The following HIRIP3 variants were observed in gnomAD, a reference collection of about 807,000 sequenced individuals.
HIRIP3 encodes the protein HIRA interacting protein 3.
Under a neutral mutation model 50.3 loss-of-function variants are expected in HIRIP3, and 40 were observed. That is an observed-to-expected ratio of 0.79 (90% CI 0.62 to 1.03). HIRIP3 has a LOEUF of 1.03. Ranked by LOEUF, HIRIP3 falls within the 50% of genes least tolerant of loss-of-function variation. The probability of loss-of-function intolerance (pLI) is 0.00; values close to 1 mark genes in which losing one functional copy is unlikely to be tolerated. For missense variants in HIRIP3, 765 were observed against 705.4 expected (o/e 1.08, Z -0.96); for synonymous variants, 318 against 261.6 (o/e 1.22, Z -2.08).
upstream of HIRIP3, chr16:29,995,789 G>A (rs1041026524): frequency 8.7e-6 from 6 of 686,466 alleles, no homozygotes; most frequent in Admixed American, 1.7e-4. Flanking sequence ...CTGGGCAGTT[G>A]GAGGGTCTCG....
In HIRIP3 at chr16:29,994,618, A is replaced by C. The variant is rs139453333; in HGVS notation, c.527T>G (p.Val176Gly). ...CTTGCCTGGTGCCTGCTTCTTTACC[A>C]CAGGTTTCTTCCTAGTCTTCCCCTT... Reference protein sequence around the residue: ...GYKGKTRKKPVVKKQAPGKAS... With the variant: ...GYKGKTRKKPGVKKQAPGKAS... Residue 176 changes from valine (V) to glycine (G), a missense_variant, in exon 4 of 7, where the codon GTG becomes GGG. Physicochemically the swap from Val to Gly is moderately radical, Grantham distance 109. Coordinates refer to ENST00000279392, the MANE Select transcript of HIRIP3 (RefSeq NM_003609.5). 6.2e-7 allele frequency: 1 copy of C among 1,613,532 alleles called. No individual in the cohort carries two copies. The highest frequency in any genetic ancestry group is 8.5e-7 in the Non-Finnish European group (1 of 1,179,894).
rs146230037 is a variant in HIRIP3, at chr16:29,994,300, G to C, written c.845C>G (p.Ala282Gly). Residue 282 changes from alanine (A) to glycine (G), a missense_variant, in exon 4 of 7, where the codon GCA becomes GGA. Physicochemically the swap from Ala to Gly is moderately conservative, Grantham distance 60. Transcript: ENST00000279392. Reference sequence around the variant, plus strand: ...GTCTGAGTCTCCCAAGAGCCTCTTTGCCTGGCTTTTCTGCTTACAGCTCCT... The same window carrying C: ...GTCTGAGTCTCCCAAGAGCCTCTTTCCCTGGCTTTTCTGCTTACAGCTCCT... Reference protein sequence around the residue: ...EERSCKQKSQAKRLLGDSDSE... With the variant: ...EERSCKQKSQGKRLLGDSDSE... 3 of 1,613,938 alleles carry C rather than the reference G, an allele frequency of 1.9e-6. No homozygotes were observed. Among genetic ancestry groups the C allele is most frequent in the African/African-American group, 2.7e-5 (2 of 74,866 alleles).
At chr16:29,995,671 C>A, upstream of HIRIP3, 2 of 1,579,120 alleles carry the variant, frequency 1.3e-6, no homozygotes, top group South Asian at 2.3e-5. Context: ...GCGCGTTTGA[C>A]AGCGGCTCGC....
In HIRIP3 at chr16:29,994,076, T is replaced by C; in HGVS notation, c.1069A>G (p.Ser357Gly). The C allele has an allele frequency of 6.2e-7, 1 of 1,613,412 alleles. No homozygotes were observed. Among genetic ancestry groups the C allele is most frequent in the Non-Finnish European group, 8.5e-7 (1 of 1,179,626 alleles). Residue 357 changes from serine to glycine, a missense_variant, in exon 4 of 7, where the codon AGC becomes GGC. Ser to Gly is a moderately conservative substitution (Grantham distance 56). Coordinates refer to ENST00000279392, the MANE Select transcript of HIRIP3 (RefSeq NM_003609.5). ...AAGTCACTTTCCTCACCACTGGTGC[T>C]GCCCAGTCTGGCCATCTTTCTAGAG... is the stretch of plus-strand genomic sequence containing the variant. Reference protein sequence around the residue: ...KGSRKMARLGSTSGEESDLER... With the variant: ...KGSRKMARLGGTSGEESDLER...
chr16:29,993,437 G>C (rs764939319), intron 6 of HIRIP3, 22 bp downstream of exon 6: 1 of 1,603,828 alleles, frequency 6.2e-7, no homozygotes, highest in Non-Finnish European at 8.5e-7. Context: ...CTGCTCCTGG[G>C]CAGTGAGAGG....
At position 29,993,653 on chromosome 16, in the gene HIRIP3, C is replaced by T. The variant is rs564027311; in HGVS notation, c.1395G>A (p.Ala465=). Residue 465 remains alanine, a synonymous_variant, in exon 5 of 7, where the codon GCG becomes GCA. Coordinates refer to ENST00000279392, the MANE Select transcript of HIRIP3 (RefSeq NM_003609.5). ...RLSILRAELE[A]LGMKGTPSLG... The stretch of plus-strand genomic sequence containing the variant: ...GCCGGGCCTCACCCTTCATGCCTAG[C>T]GCTTCCAGTTCTGCCCGGAGGATAC... The T allele has an allele frequency of 3.8e-5, 61 of 1,612,208 alleles. No homozygotes were observed. The Middle Eastern group carries it at 5.0e-4, about 13-fold the overall frequency.
In HIRIP3 at chr16:29,992,790, G is replaced by C. The variant is rs948408780; in HGVS notation, c.*417C>G. On this transcript the variant is annotated 3_prime_UTR_variant, in exon 7 of 7. Coordinates refer to ENST00000279392, the MANE Select transcript of HIRIP3 (RefSeq NM_003609.5). Reference sequence around the variant, plus strand: ...CTAGGCTAAAAGCAGAGGGGCCACGGGGTAGGCGGGCAGCACAGGAGCCAC... The same window carrying C: ...CTAGGCTAAAAGCAGAGGGGCCACGCGGTAGGCGGGCAGCACAGGAGCCAC... 1 of 160,940 alleles carries C rather than the reference G, an allele frequency of 6.2e-6. No homozygotes were observed. Among genetic ancestry groups the C allele is most frequent in the African/African-American group, 2.4e-5 (1 of 41,778 alleles). The allele number at this position is 160,940 out of a possible 1,614,324, so 10.0% of individuals were successfully genotyped here.
In HIRIP3 at chr16:29,995,434, C is replaced by G; in HGVS notation, c.95G>C (p.Arg32Thr). ...STLTHSIVRR[R>T]YLAHSGRSHL... The stretch of plus-strand genomic sequence containing the variant: ...GCTGCGGCCCGAGTGAGCTAAGTAC[C>G]TCCGCCGCACGATGGAATGCGTAAG... Residue 32 changes from arginine to threonine, a missense_variant, in exon 2 of 7, where the codon AGG becomes ACG. Arg to Thr is a moderately conservative substitution (Grantham distance 71, BLOSUM62 -1). Transcript: ENST00000279392. 6.2e-7 allele frequency: 1 copy of G among 1,613,758 alleles called. No individual in the cohort carries two copies. Among genetic ancestry groups the G allele is most frequent in the Non-Finnish European group, 8.5e-7 (1 of 1,179,846 alleles).
chr16:29,993,561 G>A lies in HIRIP3; in HGVS notation c.1409-4C>T. 6.2e-7 allele frequency: 1 copy of A among 1,613,114 alleles called. No individual in the cohort carries two copies. Among genetic ancestry groups the A allele is most frequent in the Non-Finnish European group, 8.5e-7 (1 of 1,179,370 alleles). The stretch of plus-strand genomic sequence containing the variant: ...CACTTCCCTAGGGAAGGGGTACCTG[G>A]GGCAGAAGAAGCTGGTGATTCTCTC... On this transcript the variant is annotated splice_polypyrimidine_tract_variant and splice_region_variant and intron_variant, in intron 5 of 6. Transcript: ENST00000279392.
chr16:29,993,653 C>A lies in HIRIP3; in HGVS notation c.1395G>T (p.Ala465=), dbSNP rs564027311. The A allele has an allele frequency of 1.4e-5, 23 of 1,612,208 alleles. No homozygotes were observed. Among genetic ancestry groups the A allele is most frequent in the Non-Finnish European group, 1.9e-5 (22 of 1,179,958 alleles). ...RLSILRAELE[A]LGMKGTPSLG... ...GCCGGGCCTCACCCTTCATGCCTAG[C>A]GCTTCCAGTTCTGCCCGGAGGATAC... Residue 465 remains alanine (A), a synonymous_variant, in exon 5 of 7, where the codon GCG becomes GCT. Coordinates refer to ENST00000279392, the MANE Select transcript of HIRIP3 (RefSeq NM_003609.5).
rs758495523 is a variant in HIRIP3 at position 29,995,590 on chromosome 16, C to T, written c.16G>A (p.Glu6Lys). 6.2e-7 allele frequency: 1 copy of T among 1,612,268 alleles called. No homozygotes were observed. Among genetic ancestry groups the T allele is most frequent in the African/African-American group, 1.3e-5 (1 of 74,894 alleles). MAREK[E>K]MQEFTRSFFR... ...AAGCTACGGGTGAACTCCTGCATCT[C>T]CTTCTCCCGCGCCATTTTGCTCAAC... Residue 6 changes from glutamate (E) to lysine (K), a missense_variant, in exon 1 of 7, where the codon GAG becomes AAG. Coordinates refer to ENST00000279392, the MANE Select transcript of HIRIP3 (RefSeq NM_003609.5).
Position 29,993,761 on chromosome 16 carries a change from C to T in HIRIP3, c.1287G>A (p.Leu429=). 1 of 1,610,296 alleles carries T rather than the reference C, an allele frequency of 6.2e-7. No homozygotes were observed. Among genetic ancestry groups the T allele is most frequent in the Non-Finnish European group, 8.5e-7 (1 of 1,180,004 alleles). The part of the protein sequence containing the change: ...RGEDHPAVMR[L]KRYIRACGAH... Reference sequence around the variant, plus strand: ...CACCACAGGCCCGAATGTAGCGCTTCAGCCTCATCACAGCCGGGTGGTCCT... The same window carrying T: ...CACCACAGGCCCGAATGTAGCGCTTTAGCCTCATCACAGCCGGGTGGTCCT... Residue 429 remains leucine, a synonymous_variant, in exon 5 of 7, where the codon CTG becomes CTA. Coordinates refer to ENST00000279392, the MANE Select transcript of HIRIP3 (RefSeq NM_003609.5).
chr16:29,995,011 C>G, intron 3 of HIRIP3, 92 bp downstream of exon 3: 1 of 1,493,986 alleles, frequency 6.7e-7, no homozygotes, highest in East Asian at 2.3e-5. Flanking sequence ...GCTCCCTCAT[C>G]TAACGCCTGG....
Position 29,993,130 on chromosome 16 carries a change from G to A in HIRIP3, c.*77C>T. The A allele has an allele frequency of 7.2e-7, 1 of 1,389,666 alleles. No individual in the cohort carries two copies. The highest frequency in any genetic ancestry group is 9.6e-7 in the Non-Finnish European group (1 of 1,038,756). 86.1% of individuals were successfully genotyped at this position (1,389,666 alleles called of 1,614,324 possible). A position where few individuals can be genotyped will look rare whatever the true frequency, so the allele number is the denominator to read the frequency against. On this transcript the variant is annotated 3_prime_UTR_variant, in exon 7 of 7. Coordinates refer to ENST00000279392, the MANE Select transcript of HIRIP3 (RefSeq NM_003609.5). Reference sequence around the variant, plus strand: ...GTCTTCTCTGAAGGAAGCTGCTTCTGTTCCACAGACACAGGGCAAGGGGTG... The same window carrying A: ...GTCTTCTCTGAAGGAAGCTGCTTCTATTCCACAGACACAGGGCAAGGGGTG...
At chr16:29,994,922 G>C in intron 3 of HIRIP3, 79 bp from the exon 4 acceptor site, 1 of 1,519,042 alleles carries the variant, frequency 6.6e-7, no homozygotes, top group East Asian at 2.3e-5. Context: ...GTTGCCTCGA[G>C]CCCTGCCCTG....
rs759490253 is a variant in HIRIP3 at position 29,993,263 on chromosome 16, G to A, written c.1615C>T (p.Pro539Ser). ...DSDEERPRPA[P>S]PDWSHMRGII... is the part of the protein sequence containing the mutation. ...CCACGCATATGTGACCAGTCTGGGG[G>A]TGCGGGACGGGGCCGCTCTTCATCT... is the stretch of plus-strand genomic sequence containing the variant. Residue 539 changes from proline (P) to serine (S), a missense_variant, in exon 7 of 7, where the codon CCC becomes TCC. Transcript: ENST00000279392. 1.9e-6 allele frequency: 3 copies of A among 1,568,516 alleles called. No individual in the cohort carries two copies. The highest frequency in any genetic ancestry group is 2.7e-5 in the African/African-American group (2 of 73,306).
chr16:29,995,772 G>T, upstream of HIRIP3: 1 of 762,628 alleles, frequency 1.3e-6, no homozygotes, highest in African/African-American at 1.8e-5. Flanking sequence ...GACGAGACTT[G>T]TTTTCTCTGG....
chr16:29,993,709 C>G lies in HIRIP3; in HGVS notation c.1339G>C (p.Gly447Arg). 6.2e-7 allele frequency: 1 copy of G among 1,609,604 alleles called. No individual in the cohort carries two copies. The highest frequency in any genetic ancestry group is 1.1e-5 in the South Asian group (1 of 91,088). The change falls in exon 5 of 7, where the codon GGC becomes CGC. Residue 447 changes from glycine to arginine, a missense_variant. Transcript: ENST00000279392. Reference protein sequence around the residue: ...GAHRNYKKLLGSCCSHKERLS... With the variant: ...GAHRNYKKLLRSCCSHKERLS... The stretch of plus-strand genomic sequence containing the variant: ...CGCTCCTTGTGTGAGCAACAGGAGC[C>G]CAACAGCTTCTTGTAGTTTCGATGG...
chr16:29,995,843 G>C, upstream of HIRIP3: 1 of 602,828 alleles, frequency 1.7e-6, no homozygotes, highest in Admixed American at 3.0e-5. Flanking sequence ...AAAAGTTCTC[G>C]TTAGAAACCA....
Sources: gnomAD v4.1 joint callset for allele counts on GRCh38, gnomAD v4.1.1 for gene constraint, MANE v1.5 for transcripts, NCBI Gene and HGNC (gene_info 2026-07-23, HGNC 2026-07-21) for gene names.